Variants in SESN2 observed in about 807,000 individuals in gnomAD.
The protein encoded by SESN2 is sestrin-2.
Under a neutral mutation model 56.0 loss-of-function variants are expected in SESN2, and 42 were observed. The observed-to-expected ratio is 0.75, with a 90% CI of 0.59 to 0.97. The LOEUF is 0.97. SESN2 is among the 50% of genes least tolerant of loss of function. The pLI is 0.00. For missense variants in SESN2, 507 were observed against 649.4 expected (o/e 0.78, Z 2.38); for synonymous variants, 264 against 267.1 (o/e 0.99, Z 0.11).
At chr1:28,270,670 C>G (rs1200112621) in intron 2 of SESN2, among the ~76,000 whole-genome samples, 1 of 151,952 alleles carries the variant, frequency 6.6e-6, no homozygotes, top group African/African-American at 2.4e-5. Context: ...CTCCCAGGTT[C>G]AAGCAATTCT....
intron 1 of SESN2, among the ~76,000 whole-genome samples, chr1:28,265,383 G>A (rs1454301074): frequency 6.6e-6 from 1 of 152,024 alleles, no homozygotes; most frequent in Non-Finnish European, 1.5e-5. Flanking sequence ...GGTCCCCCTA[G>A]TTTTTGGGGT....
intron 2 of SESN2, among the ~76,000 whole-genome samples, chr1:28,270,332 CAG>C (rs962261231): frequency 6.7e-6 from 1 of 149,138 alleles, no homozygotes; most frequent in African/African-American, 2.5e-5. Flanking sequence ...GCTTGCGTGA[CAG>C]AGTGAGACTC....
At chr1:28,266,588 C>T (rs1273034344) in intron 1 of SESN2, among the ~76,000 whole-genome samples, 2 of 118,848 alleles carry the variant, frequency 1.7e-5, no homozygotes, top group Non-Finnish European at 3.4e-5. Context: ...GAGACAGGGT[C>T]TTGCCCTGTT....
chr1:28,263,432 C>T (rs755685624), intron 1 of SESN2, among the ~76,000 whole-genome samples: 9 of 152,156 alleles, frequency 5.9e-5, no homozygotes, highest in Non-Finnish European at 1.3e-4. Flanking sequence ...GCTGCTTGGG[C>T]TGTATTTCCG....
At position 28,280,724 on chromosome 1, in the gene SESN2, G is replaced by A. The variant is rs1156308799; in HGVS notation, c.1365G>A (p.Val455=). The A allele has an allele frequency of 6.2e-7, 1 of 1,613,138 alleles. No homozygotes were observed. Among genetic ancestry groups the A allele is most frequent in the East Asian group, 2.2e-5 (1 of 44,884 alleles). Residue 455 remains valine (V), a synonymous_variant, in exon 10 of 10, where the codon GTG becomes GTA. Coordinates refer to ENST00000253063, the MANE Select transcript of SESN2 (RefSeq NM_031459.5). The part of the protein sequence containing the change: ...RHFRHSEKVH[V]NLLLLEARMQ... ...CTTCCTCTGTGCCCCAGGTCCACGT[G>A]AACTTGCTGCTCCTGGAGGCGCGCA... is the stretch of plus-strand genomic sequence containing the variant.
At chr1:28,267,378 A>G (rs756229701) in intron 1 of SESN2, among the ~76,000 whole-genome samples, 9 of 152,220 alleles carry the variant, frequency 5.9e-5, no homozygotes, top group Non-Finnish European at 8.8e-5. Context: ...TCCCAGAGCC[A>G]CATAGCAAGT....
chr1:28,264,863 C>T (rs1447468779), intron 1 of SESN2, among the ~76,000 whole-genome samples: 1 of 152,038 alleles, frequency 6.6e-6, no homozygotes, highest in East Asian at 1.9e-4. Flanking sequence ...AGTGTGTGCC[C>T]CCAAGTGTGA....
chr1:28,275,113 T>G, intron 8 of SESN2, 98 bp downstream of exon 8: 1 of 884,190 alleles, frequency 1.1e-6, no homozygotes, highest in Non-Finnish European at 1.7e-6. Flanking sequence ...TTTCTTTTCC[T>G]TTCTTCTTGC....
chr1:28,267,625 C>A (rs555110985), intron 1 of SESN2, among the ~76,000 whole-genome samples: 1 of 152,230 alleles, frequency 6.6e-6, no homozygotes, highest in East Asian at 1.9e-4. Context: ...TAAACAAGAC[C>A]AGTGCTGAGA....
At position 28,280,756 on chromosome 1, in the gene SESN2, CCG is replaced by C. The variant is rs1648211437; in HGVS notation, c.1399_1400del (p.Ala467SerfsTer196). 1 of 1,613,590 alleles carries C rather than the reference CCG, an allele frequency of 6.2e-7. No individual in the cohort carries two copies. Among genetic ancestry groups the C allele is most frequent in the Non-Finnish European group, 8.5e-7 (1 of 1,180,004 alleles). On this transcript the variant is annotated frameshift_variant, in exon 10 of 10. Coordinates refer to ENST00000253063, the MANE Select transcript of SESN2 (RefSeq NM_031459.5). LOFTEE classifies it high-confidence loss of function. ...CTGCTCCTGGAGGCGCGCATGCAAG[CCG>C]CTCTGCTGTACGCCCTCCGTGCCAT...
At chr1:28,263,498 G>T (rs1299406813) in intron 1 of SESN2, among the ~76,000 whole-genome samples, 1 of 152,184 alleles carries the variant, frequency 6.6e-6, no homozygotes, top group Non-Finnish European at 1.5e-5. Context: ...TGGGGGTGAG[G>T]GAAGGAGAAA....
Position 28,271,878 on chromosome 1 carries a change from C to T in SESN2, c.354+7C>T. On this transcript the variant is annotated splice_region_variant and intron_variant, in intron 3 of 9. Coordinates refer to ENST00000253063, the MANE Select transcript of SESN2 (RefSeq NM_031459.5). ...CCACTACATTGCCATCATGGTGAGC[C>T]TCTCTGGGCCTGACACTTGGAGAGG... is the stretch of plus-strand genomic sequence containing the variant. 1 of 1,613,860 alleles carries T rather than the reference C, an allele frequency of 6.2e-7. No homozygotes were observed. Among genetic ancestry groups the T allele is most frequent in the Non-Finnish European group, 8.5e-7 (1 of 1,179,830 alleles).
chr1:28,279,305 G>GGT, intron 9 of SESN2, 64 bp downstream of exon 9: 1 of 1,570,592 alleles, frequency 6.4e-7, no homozygotes, highest in Admixed American at 1.7e-5. Flanking sequence ...GAGGGCAAGG[G>GGT]GTTAGGACCC....
At chr1:28,260,643 G>A (rs962950990) in intron 1 of SESN2, among the ~76,000 whole-genome samples, 2 of 152,150 alleles carry the variant, frequency 1.3e-5, no homozygotes, top group African/African-American at 4.8e-5. Context: ...TAAGTGGTCT[G>A]AAGGCCCAGA....
chr1:28,279,004 ACT>A (rs1422848538), intron 8 of SESN2, 91 bp from the exon 9 acceptor site: 22 of 1,261,342 alleles, frequency 1.7e-5, no homozygotes, highest in South Asian at 2.6e-5. Flanking sequence ...TTTTCTCAAC[ACT>A]CTGTTCTTCC....
At chr1:28,267,646 C>T (rs1281045042) in intron 1 of SESN2, among the ~76,000 whole-genome samples, 1 of 152,192 alleles carries the variant, frequency 6.6e-6, no homozygotes, top group Admixed American at 6.5e-5. Flanking sequence ...GCCACCTCCA[C>T]TCTCAGATTA....
chr1:28,263,121 C>T (rs1196961773), intron 1 of SESN2, among the ~76,000 whole-genome samples: 2 of 152,178 alleles, frequency 1.3e-5, no homozygotes, highest in African/African-American at 4.8e-5. Flanking sequence ...GCTCTTTGCA[C>T]CTAATAAGTG....
chr1:28,275,030 CT>C lies in SESN2; in HGVS notation c.1211+17del. 6.3e-7 allele frequency: 1 copy of C among 1,591,852 alleles called. No homozygotes were observed. The highest frequency in any genetic ancestry group is 8.6e-7 in the Non-Finnish European group (1 of 1,162,788). On this transcript the variant is annotated intron_variant, in intron 8 of 9. Coordinates refer to ENST00000253063, the MANE Select transcript of SESN2 (RefSeq NM_031459.5). ...TTTGGCATCAGGTGAGCTCATATCC[CT>C]TCATTTGGGGCATGTGTGCACTGTA...
At chr1:28,268,174 G>A (rs975179972) in intron 1 of SESN2, among the ~76,000 whole-genome samples, 1 of 152,162 alleles carries the variant, frequency 6.6e-6, no homozygotes, top group African/African-American at 2.4e-5. Context: ...GGGCTAAGGA[G>A]GCCGGGGGAC....
Sources: gnomAD v4.1 joint callset for allele counts (sites outside exome capture counted in the v4.1 genomes callset) on GRCh38, gnomAD v4.1.1 for gene constraint, MANE v1.5 for transcripts, NCBI Gene and HGNC (gene_info 2026-07-23, HGNC 2026-07-21) for gene names.